Variants in MYO3B observed in about 807,000 individuals in gnomAD.
MYO3B encodes myosin IIIB.
Under a neutral mutation model 174.6 loss-of-function variants are expected in MYO3B, and 156 were observed. The ratio of observed to expected loss-of-function variants is 0.89; its 90% CI spans 0.78 to 1.02. MYO3B has a LOEUF of 1.02. Among genes scored for constraint, MYO3B ranks in the 50% least tolerant of loss-of-function variants. The probability of loss-of-function intolerance (pLI) is 0.00; values close to 1 mark genes in which losing one functional copy is unlikely to be tolerated. For synonymous variants in MYO3B, 563 were observed against 569.1 expected (o/e 0.99, Z 0.15); for missense variants, 1,632 against 1,639.4 (o/e 1.00, Z 0.08).
chr2:170,382,878 C>T, intron 10 of MYO3B, 195 bp from the exon 11 acceptor site: 1 of 477,738 alleles, frequency 2.1e-6, no homozygotes, highest in East Asian at 3.3e-5. Flanking sequence ...CAGTGTATTC[C>T]TATTTTTTCT....
chr2:170,513,163 A>T (rs73975679), intron 28 of MYO3B, among the ~76,000 whole-genome samples: 1 of 152,094 alleles, frequency 6.6e-6, no homozygotes, highest in African/African-American at 2.4e-5. Flanking sequence ...TTCTAATTTC[A>T]GTACTTAACA....
chr2:170,460,567 A>G (rs1311211996), intron 23 of MYO3B, among the ~76,000 whole-genome samples: 2 of 151,228 alleles, frequency 1.3e-5, no homozygotes, highest in East Asian at 3.9e-4. Context: ...TGAATTACAG[A>G]TAAGCATTAG....
At chr2:170,612,936 A>G (rs1253192167) in intron 32 of MYO3B, among the ~76,000 whole-genome samples, 1 of 152,210 alleles carries the variant, frequency 6.6e-6, no homozygotes, top group Admixed American at 6.5e-5. Context: ...GATTGGGTGC[A>G]TCAGAAGCAA....
At chr2:170,603,468 G>A (rs73978733) in intron 32 of MYO3B, among the ~76,000 whole-genome samples, 4,720 of 152,034 alleles carry the variant, frequency 0.031, 265 homozygotes, top group African/African-American at 0.11. Context: ...TAAAACTTTC[G>A]TATTTTTTTC....
chr2:170,217,623 G>A (rs531765530), intron 6 of MYO3B, among the ~76,000 whole-genome samples: 7 of 152,162 alleles, frequency 4.6e-5, no homozygotes, highest in Non-Finnish European at 8.8e-5. Context: ...GCAATTAGAA[G>A]AAAGTGTCCC....
intron 25 of MYO3B, among the ~76,000 whole-genome samples, chr2:170,472,884 A>G (rs953109398): frequency 6.6e-6 from 1 of 150,816 alleles, no homozygotes; most frequent in African/African-American, 2.4e-5. Flanking sequence ...TATTTTTAGT[A>G]GCGATGAGGT....
rs543905213 is a variant in MYO3B, at chr2:170,185,084, C to T, written c.2+6795C>T. Among the ~76,000 whole-genome samples the T allele has an allele frequency of 1.5e-4, 23 of 152,102 alleles. 1 individual carries two copies. Among genetic ancestry groups the T allele is most frequent in the African/African-American group, 5.3e-4 (22 of 41,522 alleles). On this transcript the variant is annotated intron_variant, in intron 1 of 34. Coordinates refer to ENST00000408978, the MANE Select transcript of MYO3B (RefSeq NM_138995.5). ...TATATTCTCATTATTAATAACTTGT[C>T]AGATGGATAGTTTGCAAATATTTTC...
intron 30 of MYO3B, among the ~76,000 whole-genome samples, chr2:170,523,782 A>G (rs1688826906): frequency 6.6e-6 from 1 of 152,170 alleles, no homozygotes; most frequent in African/African-American, 2.4e-5. Flanking sequence ...AAGCGGATGG[A>G]AAGGGGCTTC....
intron 34 of MYO3B, among the ~76,000 whole-genome samples, chr2:170,652,445 TCTC>T (rs1228225646): frequency 6.6e-6 from 1 of 152,078 alleles, no homozygotes; most frequent in Non-Finnish European, 1.5e-5. Context: ...TATATAAAAT[TCTC>T]CTTCCACAAA....
Position 170,405,598 on chromosome 2 carries a change from G to A in MYO3B, c.2485G>A (p.Glu829Lys). Residue 829 changes from glutamate (E) to lysine (K), a missense_variant, in exon 21 of 35, where the codon GAA becomes AAA. Physicochemically the swap from Glu to Lys is moderately conservative, Grantham distance 56. Coordinates refer to ENST00000408978, the MANE Select transcript of MYO3B (RefSeq NM_138995.5). ...CKYFWRPKGV[E>K]LCFGIQHYAG... ...ATACTTCTGGAGGCCCAAAGGAGTGGAACTGTGCTTTGGCATTCAGCATTA... is the reference window on the plus strand; with the variant it reads ...ATACTTCTGGAGGCCCAAAGGAGTGAAACTGTGCTTTGGCATTCAGCATTA... 6.2e-7 allele frequency: 1 copy of A among 1,614,168 alleles called. No individual in the cohort carries two copies. Among genetic ancestry groups the A allele is most frequent in the Non-Finnish European group, 8.5e-7 (1 of 1,180,008 alleles).
rs2113656 is a variant in MYO3B, at chr2:170,251,350, G to T, written c.749+15214G>T. ...GCAGAGGGCAAGCTTGAAGAGATCT[G>T]CATTCAATCAAGATTGATTGCAAAA... On this transcript the variant is annotated intron_variant, in intron 7 of 34. Transcript: ENST00000408978. Among the ~76,000 whole-genome samples, 661 of 152,170 alleles carry T rather than the reference G, an allele frequency of 4.3e-3. 11 individuals are homozygous for T. The highest frequency in any genetic ancestry group is 0.015 in the African/African-American group (607 of 41,518).
intron 14 of MYO3B, 105 bp downstream of exon 14, chr2:170,387,413 A>G: frequency 2.0e-6 from 2 of 1,014,346 alleles, no homozygotes; most frequent in East Asian, 2.5e-5. Flanking sequence ...ACATTCCCCT[A>G]CCCTCCCCAA....
At chr2:170,322,086 C>A (rs1038318199) in intron 7 of MYO3B, among the ~76,000 whole-genome samples, 1 of 148,954 alleles carries the variant, frequency 6.7e-6, no homozygotes, top group African/African-American at 2.5e-5. Context: ...TGTGCTCCAG[C>A]CTGGTGAAAG....
At chr2:170,267,393 G>A (rs1028857406) in intron 7 of MYO3B, among the ~76,000 whole-genome samples, 1 of 152,200 alleles carries the variant, frequency 6.6e-6, no homozygotes, top group Non-Finnish European at 1.5e-5. Flanking sequence ...CTAATTATAA[G>A]GCTGGGAATA....
chr2:170,235,214 C>G (rs1288284881), intron 6 of MYO3B, among the ~76,000 whole-genome samples: 1 of 152,206 alleles, frequency 6.6e-6, no homozygotes, highest in East Asian at 1.9e-4. Flanking sequence ...AGTTCCTGGT[C>G]CTCCACATCC....
chr2:170,246,529 G>GACATAC (rs2093191600), intron 7 of MYO3B, among the ~76,000 whole-genome samples: 1 of 140,182 alleles, frequency 7.1e-6, no homozygotes, highest in South Asian at 2.4e-4. Flanking sequence ...TTTGGACATG[G>GACATAC]ACACACACAC....
intron 9 of MYO3B, among the ~76,000 whole-genome samples, chr2:170,374,794 C>CACACAA (rs1471820163): frequency 2.7e-5 from 4 of 150,524 alleles, no homozygotes; most frequent in African/African-American, 9.8e-5. Context: ...CACACACACA[C>CACACAA]ACACACTACA....
At chr2:170,571,582 T>C (rs1331818539) in intron 32 of MYO3B, among the ~76,000 whole-genome samples, 1 of 152,186 alleles carries the variant, frequency 6.6e-6, no homozygotes, top group Admixed American at 6.5e-5. Flanking sequence ...TAGAAGATTA[T>C]ACTGTCTACC....
intron 32 of MYO3B, among the ~76,000 whole-genome samples, chr2:170,559,155 C>A (rs1244065450): frequency 6.6e-6 from 1 of 152,116 alleles, no homozygotes; most frequent in African/African-American, 2.4e-5. Context: ...AGTTGGCCAA[C>A]CCAGAGCTAG....
Sources: gnomAD v4.1 joint callset for allele counts (sites outside exome capture counted in the v4.1 genomes callset) on GRCh38, gnomAD v4.1.1 for gene constraint, MANE v1.5 for transcripts, NCBI Gene and HGNC (gene_info 2026-07-23, HGNC 2026-07-21) for gene names.